Variants in CDK19 observed in about 807,000 individuals in gnomAD.
The protein encoded by CDK19 is cyclin dependent kinase 19.
A neutral mutation model predicts 68.3 loss-of-function variants in CDK19; 20 were observed. The observed-to-expected ratio is 0.29, with a 90% CI of 0.21 to 0.43. CDK19 has a LOEUF of 0.43. Among genes scored for constraint, CDK19 ranks in the 20% least tolerant of loss-of-function variants. CDK19 has a pLI of 1.00. For synonymous variants in CDK19, 221 were observed against 222.8 expected (o/e 0.99, Z 0.07); for missense variants, 339 against 623.5 (o/e 0.54, Z 4.86).
Position 110,627,031 on chromosome 6 carries a change from C to T in CDK19, c.761G>A (p.Arg254Gln). ...AGGAAACCCCATGACACTAAATATC[C>T]GATCCAGTTGATCATGATGAAAGGG... is the stretch of plus-strand genomic sequence containing the variant. ...SNPFHHDQLDRIFSVMGFPAD... is the reference protein window; with the variant it reads ...SNPFHHDQLDQIFSVMGFPAD... The change falls in exon 7 of 13, where the codon CGG becomes CAG. Residue 254 changes from arginine (R) to glutamine (Q), a missense_variant. By Grantham distance (43) the Arg-to-Gln change is conservative. Around this residue, in one of 4 missense-constraint regions of CDK19, gnomAD observed 63 missense variants for 156.5 expected, o/e 0.40. Transcript: ENST00000368911. The T allele has an allele frequency of 6.2e-7, 1 of 1,612,290 alleles. No homozygotes were observed. Among genetic ancestry groups the T allele is most frequent in the Non-Finnish European group, 8.5e-7 (1 of 1,179,058 alleles).
At chr6:110,803,812 G>C (rs969093621) in intron 1 of CDK19, among the ~76,000 whole-genome samples, 2 of 152,074 alleles carry the variant, frequency 1.3e-5, no homozygotes, top group South Asian at 2.1e-4. Flanking sequence ...TACAAGAAAT[G>C]CAAGAATTAA....
chr6:110,644,278 C>CGA (rs555020166), intron 4 of CDK19, among the ~76,000 whole-genome samples: 1,488 of 145,984 alleles, frequency 0.01, 21 homozygotes, highest in African/African-American at 0.036. Flanking sequence ...GGTGACAGAG[C>CGA]GAGACTTCAT....
chr6:110,656,660 T>C (rs1417984689), intron 4 of CDK19, among the ~76,000 whole-genome samples: 2 of 152,236 alleles, frequency 1.3e-5, no homozygotes, highest in African/African-American at 2.4e-5. Context: ...CAGTAAACAA[T>C]GCTTGCCAAC....
rs1382611819 is a variant in CDK19 at position 110,723,139 on chromosome 6, AAAAACAAAAAAC to A, written c.204+22975_204+22986del. On this transcript the variant is annotated intron_variant, in intron 2 of 12. Coordinates refer to ENST00000368911, the MANE Select transcript of CDK19 (RefSeq NM_015076.5). ...GCTCAGCTTTCAAGGCTTTGTCAAA[AAAAACAAAAAAC>A]AAAAAAAAAAACGCAGATTTGTCCT... is the stretch of plus-strand genomic sequence containing the variant. 3.2e-4 allele frequency among the ~76,000 whole-genome samples: 31 copies of A among 97,606 alleles called. 1 individual carries two copies. Among genetic ancestry groups the A allele is most frequent in the Non-Finnish European group, 6.6e-4 (25 of 37,674 alleles). The allele number at this position is 97,606 out of a possible 152,430, so 64.0% of individuals were successfully genotyped here.
At chr6:110,625,529 A>G (rs984858140) in intron 8 of CDK19, among the ~76,000 whole-genome samples, 1 of 151,926 alleles carries the variant, frequency 6.6e-6, no homozygotes, top group African/African-American at 2.4e-5. Flanking sequence ...GAAAATAACT[A>G]GTTTGGTTTT....
At chr6:110,758,147 C>T (rs1306817150) in intron 1 of CDK19, among the ~76,000 whole-genome samples, 8 of 152,082 alleles carry the variant, frequency 5.3e-5, no homozygotes, top group Non-Finnish European at 7.4e-5. Flanking sequence ...GTCATGTTTG[C>T]GCTACCACAC....
intron 1 of CDK19, among the ~76,000 whole-genome samples, chr6:110,781,052 G>A (rs1780774912): frequency 6.6e-6 from 1 of 152,078 alleles, no homozygotes; most frequent in Non-Finnish European, 1.5e-5. Flanking sequence ...AAAGTTGTAA[G>A]GACAGAAAAT....
At chr6:110,718,703 G>A (rs1364985404) in intron 2 of CDK19, among the ~76,000 whole-genome samples, 2 of 149,826 alleles carry the variant, frequency 1.3e-5, no homozygotes, top group African/African-American at 4.9e-5. Flanking sequence ...TAAAATGAGG[G>A]CAAAATAAAG....
intron 2 of CDK19, among the ~76,000 whole-genome samples, chr6:110,734,701 G>A (rs1263744989): frequency 5.3e-5 from 8 of 151,962 alleles, no homozygotes; most frequent in African/African-American, 1.5e-4. Flanking sequence ...TGCCAAGTAT[G>A]AGCTGGATGC....
chr6:110,638,985 C>G (rs1316178414), intron 4 of CDK19, among the ~76,000 whole-genome samples: 1 of 152,120 alleles, frequency 6.6e-6, no homozygotes. Flanking sequence ...ATAGATTCAT[C>G]CCGCAGAAAA....
intron 8 of CDK19, among the ~76,000 whole-genome samples, chr6:110,626,006 C>T (rs1439697325): frequency 6.6e-6 from 1 of 152,152 alleles, no homozygotes; most frequent in Non-Finnish European, 1.5e-5. Context: ...AAAGTAAATG[C>T]CTTCATCAGT....
chr6:110,794,112 C>G (rs1302453955), intron 1 of CDK19, among the ~76,000 whole-genome samples: 2 of 152,118 alleles, frequency 1.3e-5, no homozygotes, highest in Non-Finnish European at 2.9e-5. Context: ...GTGGCGCAAT[C>G]TCAGCTCACT....
chr6:110,741,623 A>T (rs1777675919), intron 2 of CDK19, among the ~76,000 whole-genome samples: 1 of 152,092 alleles, frequency 6.6e-6, no homozygotes, highest in Non-Finnish European at 1.5e-5. Flanking sequence ...AAACTGTCAA[A>T]GCCAAAGACA....
chr6:110,691,096 G>C (rs1772941872), intron 2 of CDK19, among the ~76,000 whole-genome samples: 1 of 152,102 alleles, frequency 6.6e-6, no homozygotes, highest in African/African-American at 2.4e-5. Context: ...GGAGATTCCA[G>C]AGAAATGTGA....
chr6:110,773,710 A>C (rs757558873), intron 1 of CDK19, among the ~76,000 whole-genome samples: 2 of 152,116 alleles, frequency 1.3e-5, no homozygotes, highest in Non-Finnish European at 2.9e-5. Context: ...GTAATACTGA[A>C]TACAATTGTA....
upstream of CDK19, chr6:110,815,637 TC>T (rs921437756): frequency 1.3e-5 from 2 of 152,402 alleles, no homozygotes; most frequent in Non-Finnish European, 2.9e-5. Flanking sequence ...CCCCTCCCCC[TC>T]AGGTAGCGCA....
At position 110,815,224 on chromosome 6, in the gene CDK19, T is replaced by C; in HGVS notation, c.-88A>G. ...CTCCCCCCGCGACCGCCGCTCCACTTCTCCAACAGCCGCCTCTCGCGCGCG... is the reference window on the plus strand; with the variant it reads ...CTCCCCCCGCGACCGCCGCTCCACTCCTCCAACAGCCGCCTCTCGCGCGCG... On this transcript the variant is annotated 5_prime_UTR_variant, in exon 1 of 13. Transcript: ENST00000368911. 8.1e-7 allele frequency: 1 copy of C among 1,227,466 alleles called. No individual in the cohort carries two copies. Among genetic ancestry groups the C allele is most frequent in the South Asian group, 1.9e-5 (1 of 51,910 alleles). The allele number at this position is 1,227,466 out of a possible 1,614,324, so 76.0% of individuals were successfully genotyped here. A position where few individuals can be genotyped will look rare whatever the true frequency, so the allele number is the denominator to read the frequency against.
chr6:110,804,333 T>G (rs1328337320), intron 1 of CDK19, among the ~76,000 whole-genome samples: 1 of 152,054 alleles, frequency 6.6e-6, no homozygotes, highest in African/African-American at 2.4e-5. Context: ...TAGTTCAAGT[T>G]AAAGATTCTT....
At chr6:110,772,220 T>C (rs1780068194) in intron 1 of CDK19, among the ~76,000 whole-genome samples, 1 of 152,122 alleles carries the variant, frequency 6.6e-6, no homozygotes, top group Admixed American at 6.6e-5. Context: ...TCCACACGGC[T>C]GGGGAGGCCT....
Sources: gnomAD v4.1 joint callset for allele counts (sites outside exome capture counted in the v4.1 genomes callset) on GRCh38, gnomAD v4.1.1 for gene constraint, gnomAD v4.1.1 regional missense constraint, MANE v1.5 for transcripts, NCBI Gene and HGNC (gene_info 2026-07-23, HGNC 2026-07-21) for gene names.